ADCY9: variants seen among roughly 807,000 people sequenced by gnomAD.
The protein encoded by ADCY9 is adenylate cyclase 9, also known as adenylate cyclase type 9.
Under a neutral mutation model 101.5 loss-of-function variants are expected in ADCY9, and 50 were observed. The ratio of observed to expected loss-of-function variants is 0.49; its 90% confidence interval spans 0.39 to 0.62. The LOEUF (loss-of-function observed/expected upper bound fraction) is 0.62, where lower values mean the gene tolerates loss of function less well. Ranked by LOEUF, ADCY9 falls within the 20% of genes least tolerant of loss-of-function variation. The probability of loss-of-function intolerance (pLI) is 0.00; values close to 1 mark genes in which losing one functional copy is unlikely to be tolerated. For missense variants in ADCY9, 1,662 were observed against 1,800.4 expected (o/e 0.92, Z 1.39); for synonymous variants, 905 against 769.3 (o/e 1.18, Z -2.92).
intron 2 of ADCY9, among the ~76,000 whole-genome samples, chr16:4,111,949 T>A (rs533246752): frequency 6.6e-6 from 1 of 151,880 alleles, no homozygotes; most frequent in African/African-American, 2.4e-5. Context: ...GACTTGGCAA[T>A]TTCCAAACAT....
At chr16:4,069,559 A>G (rs2056820955) in intron 2 of ADCY9, among the ~76,000 whole-genome samples, 1 of 152,192 alleles carries the variant, frequency 6.6e-6, no homozygotes, top group Non-Finnish European at 1.5e-5. Flanking sequence ...AATATATTCT[A>G]TCAGGGTGAC....
intron 3 of ADCY9, among the ~76,000 whole-genome samples, chr16:4,000,628 G>A (rs946566370): frequency 6.6e-6 from 1 of 152,030 alleles, no homozygotes; most frequent in African/African-American, 2.4e-5. Context: ...TACTAGACAA[G>A]TCACCACATG....
intron 2 of ADCY9, among the ~76,000 whole-genome samples, chr16:4,065,018 T>C (rs567388547): frequency 1.3e-5 from 2 of 152,274 alleles, no homozygotes; most frequent in East Asian, 1.9e-4. Flanking sequence ...TGAAAGGTCA[T>C]AGGCATTCGC....
chr16:4,017,647 A>G (rs2056447205), intron 2 of ADCY9, among the ~76,000 whole-genome samples: 2 of 151,902 alleles, frequency 1.3e-5, no homozygotes, highest in South Asian at 4.2e-4. Context: ...CCTTCTCAAA[A>G]AAAAAAAAAA....
At chr16:4,101,125 A>G (rs971703379) in intron 2 of ADCY9, among the ~76,000 whole-genome samples, 3 of 152,210 alleles carry the variant, frequency 2.0e-5, no homozygotes, top group Non-Finnish European at 4.4e-5. Context: ...TTGGGTTTAA[A>G]TACTGGCTCC....
downstream of ADCY9, among the ~76,000 whole-genome samples, chr16:3,958,673 CT>C (rs1207846349): frequency 9.7e-4 from 100 of 103,010 alleles, 1 homozygote; most frequent in Admixed American, 3.3e-3. Flanking sequence ...TCGTCGGTTA[CT>C]TTTTTTTTTT....
intron 2 of ADCY9, among the ~76,000 whole-genome samples, chr16:4,089,900 C>T (rs2056962738): frequency 6.6e-6 from 1 of 152,044 alleles, no homozygotes; most frequent in Non-Finnish European, 1.5e-5. Flanking sequence ...CTTTTGTTCC[C>T]TGGAAAAGCC....
intron 2 of ADCY9, among the ~76,000 whole-genome samples, chr16:4,082,709 C>CACAT (rs1555444599): frequency 6.8e-5 from 6 of 87,956 alleles, no homozygotes; most frequent in Admixed American, 3.2e-4. Flanking sequence ...TGCACACCCA[C>CACAT]GCATGCACGC....
chr16:4,044,442 T>C (rs2141141846), intron 2 of ADCY9, among the ~76,000 whole-genome samples: 1 of 152,348 alleles, frequency 6.6e-6, no homozygotes, highest in African/African-American at 2.4e-5. Context: ...GGAGCCATTT[T>C]CTTCCAGGCT....
chr16:4,106,415 C>T (rs149928218), intron 2 of ADCY9, among the ~76,000 whole-genome samples: 89 of 152,308 alleles, frequency 5.8e-4, no homozygotes, highest in African/African-American at 2.0e-3. Context: ...GCGGCAGCAC[C>T]GGTGCCTGGC....
chr16:4,023,385 G>A (rs985907249), intron 2 of ADCY9, among the ~76,000 whole-genome samples: 2 of 152,236 alleles, frequency 1.3e-5, no homozygotes, highest in Non-Finnish European at 2.9e-5. Context: ...CAGAGTCAGG[G>A]ACGTCCTTTC....
chr16:4,115,199 G>T lies in ADCY9; in HGVS notation c.244C>A (p.Leu82Met). ...RLRRQKKLPQ[L>M]FERASSRWWD... is the part of the protein sequence containing the mutation. ...CAGCGGCTGGAGGCCCTCTCGAACA[G>T]CTGGGGCAGCTTCTTCTGCCTGCGC... The change falls in exon 2 of 11, where the codon CTG (leucine) becomes ATG (methionine). Residue 82 changes from leucine to methionine, a missense_variant. Transcript: ENST00000294016. The surrounding 1 kb of genome is among the most constrained non-coding windows in gnomAD (Gnocchi z 6.2). The T allele has an allele frequency of 2.5e-6, 4 of 1,613,672 alleles. No homozygotes were observed. Among genetic ancestry groups the T allele is most frequent in the Non-Finnish European group, 2.5e-6 (3 of 1,179,946 alleles).
At chr16:4,001,220 G>A (rs1325607033) in intron 3 of ADCY9, among the ~76,000 whole-genome samples, 1 of 152,086 alleles carries the variant, frequency 6.6e-6, no homozygotes, top group Non-Finnish European at 1.5e-5. Flanking sequence ...GTCTCCTCTA[G>A]GTCCCGTGTT....
chr16:4,034,381 A>T lies in ADCY9; in HGVS notation c.1694-26823T>A, dbSNP rs112506527. Among the ~76,000 whole-genome samples the T allele has an allele frequency of 9.4e-3, 1,423 of 152,156 alleles. 23 individuals carry two copies. The highest frequency in any genetic ancestry group is 0.032 in the African/African-American group (1,321 of 41,502). ...CCGTCTTACAACCAAAACCATGCTA[A>T]CCCTCTCCCCAGAAGAGGAGCCAAA... is the stretch of plus-strand genomic sequence containing the variant. On this transcript the variant is annotated intron_variant, in intron 2 of 10. Transcript: ENST00000294016.
chr16:4,064,374 G>A (rs188869397), intron 2 of ADCY9, among the ~76,000 whole-genome samples: 1 of 152,312 alleles, frequency 6.6e-6, no homozygotes, highest in East Asian at 1.9e-4. Context: ...AACAAGAAAG[G>A]TTATGAGTGG....
At chr16:3,962,161 ATG>A (rs2141665080), downstream of ADCY9, among the ~76,000 whole-genome samples, 1 of 152,262 alleles carries the variant, frequency 6.6e-6, no homozygotes, top group African/African-American at 2.4e-5. Context: ...AGAAAATGGC[ATG>A]TGTGTTTTTC....
chr16:4,098,735 G>T (rs1434753006), intron 2 of ADCY9, among the ~76,000 whole-genome samples: 1 of 152,104 alleles, frequency 6.6e-6, no homozygotes, highest in African/African-American at 2.4e-5. Context: ...ATGGAAAAGA[G>T]AGTGGCCGGC....
intron 2 of ADCY9, among the ~76,000 whole-genome samples, chr16:4,061,858 A>G (rs890631640): frequency 2.6e-5 from 4 of 152,272 alleles, no homozygotes; most frequent in Non-Finnish European, 4.4e-5. Context: ...TAACTGATTT[A>G]AAAGACAAGT....
chr16:4,043,838 A>G (rs1445949737), intron 2 of ADCY9, among the ~76,000 whole-genome samples: 1 of 152,210 alleles, frequency 6.6e-6, no homozygotes, highest in African/African-American at 2.4e-5. Context: ...CCAAAATTTA[A>G]CAAAAAAGAG....
Sources: gnomAD v4.1 joint callset for allele counts (sites outside exome capture counted in the v4.1 genomes callset) on GRCh38, gnomAD v4.1.1 for gene constraint, Gnocchi (gnomAD v3.1) non-coding constraint, MANE v1.5 for transcripts, NCBI Gene and HGNC (gene_info 2026-07-23, HGNC 2026-07-21) for gene names.